Variants in NBPF3 observed in about 807,000 individuals in gnomAD.
The protein encoded by NBPF3 is NBPF member 3, also known as NBPF family member NBPF3.
In NBPF3, 57 loss-of-function variants were observed where a neutral mutation model predicts 78.1. The observed-to-expected ratio is 0.73, with a 90% confidence interval of 0.59 to 0.91. The LOEUF (loss-of-function observed/expected upper bound fraction) is 0.91, where lower values mean the gene tolerates loss of function less well. Among genes scored for constraint, NBPF3 ranks in the 40% least tolerant of loss-of-function variants. The pLI, the probability that NBPF3 is intolerant of heterozygous loss-of-function variation, is 0.00. For synonymous variants in NBPF3, 182 were observed against 271.7 expected, an observed-to-expected ratio of 0.67 and a Z score of 3.25; for missense variants, 510 against 715.3, an observed-to-expected ratio of 0.71 and a Z score of 3.27.
intron 1 of NBPF3, among the ~76,000 whole-genome samples, chr1:21,443,677 G>A (rs1488546846): frequency 6.6e-6 from 1 of 151,638 alleles, no homozygotes; most frequent in Non-Finnish European, 1.5e-5. Flanking sequence ...GCAGTGGTAT[G>A]ATCATGGCTC....
At chr1:21,475,927 C>G (rs1265113406) in intron 8 of NBPF3, among the ~76,000 whole-genome samples, 2 of 81,990 alleles carry the variant, frequency 2.4e-5, no homozygotes, top group Non-Finnish European at 6.1e-5. Flanking sequence ...TTAGGTCTCT[C>G]AGGACTTGCT....
intron 2 of NBPF3, among the ~76,000 whole-genome samples, chr1:21,464,207 G>A (rs1642120749): frequency 6.6e-6 from 1 of 152,198 alleles, no homozygotes; most frequent in African/African-American, 2.4e-5. Context: ...TAGTTAAAAA[G>A]TGGAAACATC....
In NBPF3 at chr1:21,465,163, G is replaced by A. The variant is rs557472398; in HGVS notation, c.134-3525G>A. ...TGAGGTATAGGGGAGAGAAGCACTG[G>A]TCCACCTGAGATCTGGCTCCAGGAC... On this transcript the variant is annotated intron_variant, in intron 2 of 14. Coordinates refer to ENST00000318249, the MANE Select transcript of NBPF3 (RefSeq NM_032264.6). Among the ~76,000 whole-genome samples the A allele has an allele frequency of 8.1e-3, 1,231 of 152,272 alleles. 6 individuals carry two copies. Among genetic ancestry groups the A allele is most frequent in the African/African-American group, 0.028 (1,151 of 41,530 alleles).
rs1642725571 is a variant in NBPF3, at chr1:21,473,545, C to T, written c.900C>T (p.Ser300=). The change falls in exon 7 of 15, where the codon TCC becomes TCT. Residue 300 remains serine, a synonymous_variant. Coordinates refer to ENST00000318249, the MANE Select transcript of NBPF3 (RefSeq NM_032264.6). ...TCGACTCAACTCTCATTGACTCATC[C>T]TCTCATGATGAATGGTTGGATGCTG... ...DQVDSTLIDS[S]SHDEWLDAVC... The T allele has an allele frequency of 1.2e-6, 2 of 1,614,216 alleles. No homozygotes were observed. Among genetic ancestry groups the T allele is most frequent in the Non-Finnish European group, 1.7e-6 (2 of 1,180,032 alleles).
intron 2 of NBPF3, among the ~76,000 whole-genome samples, chr1:21,451,103 A>G (rs1358598842): frequency 1.3e-5 from 2 of 152,218 alleles, no homozygotes; most frequent in Admixed American, 6.5e-5. Context: ...ACTCTTTTGC[A>G]TATGGCTTCT....
chr1:21,466,114 G>A (rs1254556714), intron 2 of NBPF3: 1 of 985,432 alleles, frequency 1.0e-6, no homozygotes, highest in East Asian at 1.1e-4. Context: ...CCGAATCACT[G>A]ATGGAATCGG....
rs757403803 is a variant in NBPF3, at chr1:21,479,410, A to G, written c.1208+10A>G. ...AGGCCACAAGTCCCAGGTGAGTCTGAGAAATTATGGACAGTTAATTTGATG... is the reference window on the plus strand; with the variant it reads ...AGGCCACAAGTCCCAGGTGAGTCTGGGAAATTATGGACAGTTAATTTGATG... On this transcript the variant is annotated intron_variant, in intron 10 of 14. Coordinates refer to ENST00000318249, the MANE Select transcript of NBPF3 (RefSeq NM_032264.6). The G allele has an allele frequency of 1.2e-6, 2 of 1,608,496 alleles. No individual in the cohort carries two copies. The highest frequency in any genetic ancestry group is 4.5e-5 in the East Asian group (2 of 44,816).
intron 2 of NBPF3, chr1:21,468,433 A>T: frequency 7.3e-7 from 1 of 1,373,312 alleles, no homozygotes; most frequent in Non-Finnish European, 9.4e-7. Flanking sequence ...CTGTTATTGC[A>T]ACTGCAGACC....
intron 2 of NBPF3, among the ~76,000 whole-genome samples, chr1:21,466,751 A>G (rs1281023282): frequency 6.6e-6 from 1 of 151,790 alleles, no homozygotes; most frequent in South Asian, 2.1e-4. Flanking sequence ...AAAAAAGGAA[A>G]TATGTCCAAA....
chr1:21,464,447 C>T (rs1230773055), intron 2 of NBPF3, among the ~76,000 whole-genome samples: 4 of 151,506 alleles, frequency 2.6e-5, no homozygotes, highest in South Asian at 4.2e-4. Context: ...TGTCAGAGAG[C>T]ACAAGAGGGG....
intron 2 of NBPF3, among the ~76,000 whole-genome samples, chr1:21,455,220 C>G (rs112010899): frequency 6.6e-6 from 1 of 152,076 alleles, no homozygotes; most frequent in African/African-American, 2.4e-5. Context: ...ATCAGATAAT[C>G]TGTCTATCTT....
At chr1:21,457,412 G>A (rs371456519) in intron 2 of NBPF3, among the ~76,000 whole-genome samples, 6 of 83,784 alleles carry the variant, frequency 7.2e-5, no homozygotes, top group Non-Finnish European at 1.2e-4. Context: ...ATATGCATGT[G>A]TATATATATG....
intron 3 of NBPF3, 96 bp downstream of exon 3, chr1:21,468,993 C>T (rs898458851): frequency 2.1e-6 from 2 of 963,798 alleles, no homozygotes; most frequent in South Asian, 1.6e-5. Flanking sequence ...ATAAGTTCAA[C>T]CCTCCCATAC....
At chr1:21,466,703 C>T (rs1375133291) in intron 2 of NBPF3, among the ~76,000 whole-genome samples, 1 of 152,144 alleles carries the variant, frequency 6.6e-6, no homozygotes, top group Non-Finnish European at 1.5e-5. Flanking sequence ...TCCTATGACT[C>T]ATTCTGGTCA....
At chr1:21,477,935 G>T in intron 8 of NBPF3, 1 of 992,822 alleles carries the variant, frequency 1.0e-6, no homozygotes, top group Non-Finnish European at 1.5e-6. Flanking sequence ...CAAATGTACT[G>T]AGCACGTGCT....
At chr1:21,457,944 A>T (rs1641724669) in intron 2 of NBPF3, among the ~76,000 whole-genome samples, 1 of 152,238 alleles carries the variant, frequency 6.6e-6, no homozygotes, top group Non-Finnish European at 1.5e-5. Context: ...ACCAAGTCAA[A>T]ATTACAAAGT....
intron 5 of NBPF3, among the ~76,000 whole-genome samples, chr1:21,472,270 G>A (rs1642640644): frequency 6.6e-6 from 1 of 152,192 alleles, no homozygotes; most frequent in Non-Finnish European, 1.5e-5. Context: ...ACTTAGGACT[G>A]CTTTTCAAAA....
At chr1:21,456,738 G>GA (rs1453334308) in intron 2 of NBPF3, among the ~76,000 whole-genome samples, 2 of 151,984 alleles carry the variant, frequency 1.3e-5, no homozygotes, top group South Asian at 2.1e-4. Flanking sequence ...GGGTAGATTT[G>GA]AAAAAAACTC....
intron 2 of NBPF3, among the ~76,000 whole-genome samples, chr1:21,458,821 G>A (rs1641784606): frequency 1.3e-5 from 2 of 152,176 alleles, no homozygotes; most frequent in Non-Finnish European, 2.9e-5. Flanking sequence ...CCTCTATCTT[G>A]GTTGTGGCAG....
Sources: allele counts gnomAD v4.1 joint callset (sites outside exome capture counted in the v4.1 genomes callset), GRCh38; gene constraint gnomAD v4.1.1; transcripts MANE v1.5; gene names NCBI Gene and HGNC (gene_info 2026-07-23, HGNC 2026-07-21).